The following DTNA variants were observed in gnomAD, a reference collection of about 807,000 sequenced individuals.
DTNA encodes the protein dystrobrevin alpha.
In DTNA, 43 loss-of-function variants were observed where a neutral mutation model predicts 100.7. The observed-to-expected ratio is 0.43, with a 90% CI of 0.33 to 0.55. DTNA has a LOEUF of 0.55. Ranked by LOEUF, DTNA falls within the 20% of genes least tolerant of loss-of-function variation. The pLI, the probability that DTNA is intolerant of heterozygous loss-of-function variation, is 0.04. For missense variants in DTNA, 798 were observed against 953.9 expected, an observed-to-expected ratio of 0.84 and a Z score of 2.15; for synonymous variants, 349 against 347.9, an observed-to-expected ratio of 1.00 and a Z score of -0.04.
chr18:34,778,273 A>G (rs868763192), intron 3 of DTNA, among the ~76,000 whole-genome samples: 138 of 152,312 alleles, frequency 9.1e-4, no homozygotes, highest in African/African-American at 3.0e-3. Flanking sequence ...AACCAAGCCA[A>G]TTTACTATCC....
chr18:34,845,819 C>T (rs1025128497), intron 13 of DTNA, among the ~76,000 whole-genome samples: 2 of 152,044 alleles, frequency 1.3e-5, no homozygotes, highest in Admixed American at 1.3e-4. Context: ...ATAATTCTGC[C>T]TTTGCTATTA....
chr18:34,556,805 T>C (rs1347824619), intron 1 of DTNA, among the ~76,000 whole-genome samples: 2 of 151,894 alleles, frequency 1.3e-5, no homozygotes, highest in African/African-American at 4.8e-5. Flanking sequence ...CCCTTAACAT[T>C]TTTTCCTTCA....
chr18:34,828,475 C>T (rs183927295), intron 10 of DTNA, among the ~76,000 whole-genome samples: 18 of 152,266 alleles, frequency 1.2e-4, no homozygotes, highest in Admixed American at 8.5e-4. Flanking sequence ...AAAGTACAGC[C>T]TCATATTTCA....
Position 34,818,115 on chromosome 18 carries a change from G to T in DTNA, c.710-49G>T, listed in dbSNP as rs144522727. 1.3e-4 allele frequency: 202 copies of T among 1,613,270 alleles called. No homozygotes were observed. The East Asian group carries it at 4.3e-3, about 34-fold the overall frequency. On this transcript the variant is annotated intron_variant, in intron 7 of 22. Coordinates refer to ENST00000444659, the MANE Select transcript of DTNA (RefSeq NM_001386795.1). ...GTAAGGCTGTATTTTTCCTTCTTCT[G>T]GTTCATACTTTTGTTTTCTTGGTTT...
At chr18:34,510,313 T>C (rs1159644382) in intron 1 of DTNA, among the ~76,000 whole-genome samples, 1 of 152,012 alleles carries the variant, frequency 6.6e-6, no homozygotes, top group African/African-American at 2.4e-5. Context: ...TTTCTCTGAG[T>C]TTTCATCCCT....
chr18:34,555,571 T>A (rs2045942979), intron 1 of DTNA, among the ~76,000 whole-genome samples: 4 of 152,244 alleles, frequency 2.6e-5, no homozygotes, highest in Non-Finnish European at 4.4e-5. Flanking sequence ...TTCTAGTGTG[T>A]TGTGTCTTTG....
chr18:34,756,341 G>C (rs535168912), intron 2 of DTNA, among the ~76,000 whole-genome samples: 9 of 152,192 alleles, frequency 5.9e-5, no homozygotes, highest in African/African-American at 2.2e-4. Context: ...ACACTATTTA[G>C]TGTTGACATT....
intron 1 of DTNA, among the ~76,000 whole-genome samples, chr18:34,534,548 C>T (rs1034200655): frequency 1.3e-5 from 2 of 151,746 alleles, no homozygotes; most frequent in East Asian, 1.9e-4. Flanking sequence ...GATAGGTATA[C>T]GTGTTCCATG....
At chr18:34,647,660 C>T (rs1421073946) in intron 1 of DTNA, among the ~76,000 whole-genome samples, 1 of 152,190 alleles carries the variant, frequency 6.6e-6, no homozygotes, top group African/African-American at 2.4e-5. Flanking sequence ...ACCTCTGTCA[C>T]TAAGGAATTA....
chr18:34,675,579 A>C (rs964658962), intron 1 of DTNA, among the ~76,000 whole-genome samples: 1 of 152,204 alleles, frequency 6.6e-6, no homozygotes, highest in Non-Finnish European at 1.5e-5. Context: ...GACAAATTTT[A>C]AAATAAGAAA....
At chr18:34,733,377 T>G (rs2088780253) in intron 1 of DTNA, among the ~76,000 whole-genome samples, 1 of 152,202 alleles carries the variant, frequency 6.6e-6, no homozygotes, top group Non-Finnish European at 1.5e-5. Context: ...AGGCTTCCTA[T>G]CAGTTTCACT....
At chr18:34,658,716 C>T (rs995050265) in intron 1 of DTNA, among the ~76,000 whole-genome samples, 5 of 152,126 alleles carry the variant, frequency 3.3e-5, no homozygotes, top group Non-Finnish European at 7.4e-5. Context: ...TCTTGATTAC[C>T]ACCACCAAAG....
At chr18:34,841,863 A>G (rs2096274579) in intron 13 of DTNA, among the ~76,000 whole-genome samples, 1 of 152,126 alleles carries the variant, frequency 6.6e-6, no homozygotes, top group Non-Finnish European at 1.5e-5. Context: ...ACCCTATATT[A>G]ACTACTTAAC....
At chr18:34,506,723 G>A (rs1568554617) in intron 1 of DTNA, among the ~76,000 whole-genome samples, 1 of 152,118 alleles carries the variant, frequency 6.6e-6, no homozygotes, top group African/African-American at 2.4e-5. Flanking sequence ...GGCAACACAC[G>A]ATTCCAGGGA....
chr18:34,787,835 A>G (rs1164167905), intron 3 of DTNA, among the ~76,000 whole-genome samples: 1 of 152,178 alleles, frequency 6.6e-6, no homozygotes, highest in East Asian at 1.9e-4. Flanking sequence ...CCATTTATGT[A>G]TGTAAAGACA....
At chr18:34,811,029 A>T (rs539457357) in intron 5 of DTNA, among the ~76,000 whole-genome samples, 1 of 152,334 alleles carries the variant, frequency 6.6e-6, no homozygotes, top group South Asian at 2.1e-4. Context: ...GACCTTGAAA[A>T]ATTAAACCTA....
chr18:34,675,438 C>T (rs2077285684), intron 1 of DTNA, among the ~76,000 whole-genome samples: 1 of 151,890 alleles, frequency 6.6e-6, no homozygotes, highest in Non-Finnish European at 1.5e-5. Flanking sequence ...TGCTTGGATT[C>T]CTTATATTTT....
chr18:34,713,723 C>A (rs2146602471), intron 1 of DTNA, among the ~76,000 whole-genome samples: 1 of 152,126 alleles, frequency 6.6e-6, no homozygotes, highest in East Asian at 1.9e-4. Flanking sequence ...TTACCTTGGG[C>A]AGTATGGCCA....
At chr18:34,555,411 C>T (rs992285531) in intron 1 of DTNA, among the ~76,000 whole-genome samples, 9 of 151,472 alleles carry the variant, frequency 5.9e-5, no homozygotes, top group Non-Finnish European at 1.2e-4. Flanking sequence ...TTCTTGCCTT[C>T]TACTAGCTTT....
Sources: gnomAD v4.1 joint callset for allele counts (sites outside exome capture counted in the v4.1 genomes callset) on GRCh38, gnomAD v4.1.1 for gene constraint, MANE v1.5 for transcripts, NCBI Gene and HGNC (gene_info 2026-07-23, HGNC 2026-07-21) for gene names.